USH2A: variants seen among roughly 807,000 people sequenced by gnomAD.
The protein encoded by USH2A is usherin, also known as Usher syndrome 2A (autosomal recessive, mild).
Under a neutral mutation model 538.9 loss-of-function variants are expected in USH2A, and 443 were observed. The observed-to-expected ratio is 0.82, with a 90% CI of 0.76 to 0.89. The LOEUF (loss-of-function observed/expected upper bound fraction) is 0.89, where lower values mean the gene tolerates loss of function less well. Ranked by LOEUF, USH2A falls within the 40% of genes least tolerant of loss-of-function variation. USH2A has a pLI of 0.00. For synonymous variants in USH2A, 2,413 were observed against 2,273.5 expected (o/e 1.06, Z -1.75); for missense variants, 6,633 against 6,324.8 (o/e 1.05, Z -1.65).
At position 215,965,373 on chromosome 1, in the gene USH2A, G is replaced by C. The variant is rs142628868; in HGVS notation, c.7064C>G (p.Pro2355Arg). The change falls in exon 37 of 72, where the codon CCT (proline) becomes CGT (arginine). Residue 2355 changes from proline (P) to arginine (R), a missense_variant. Coordinates refer to ENST00000307340, the MANE Select transcript of USH2A (RefSeq NM_206933.4). ...AHVRWEAPFR[P>R]NGLLTHSVLF... ...GACTGAGTGTGTTAAGAGTCCATTA[G>C]GGCGAAAAGGTGCTTCCCACCTCAC... 2 of 1,613,890 alleles carry C rather than the reference G, an allele frequency of 1.2e-6. No homozygotes were observed. The highest frequency in any genetic ancestry group is 4.5e-5 in the East Asian group (2 of 44,878).
intron 3 of USH2A, among the ~76,000 whole-genome samples, chr1:216,407,551 G>T (rs2039416139): frequency 6.6e-6 from 1 of 151,966 alleles, no homozygotes; most frequent in African/African-American, 2.4e-5. Context: ...AATGCCAAGG[G>T]AAACAGTAAG....
At chr1:216,332,566 C>A (rs193173735) in intron 4 of USH2A, among the ~76,000 whole-genome samples, 7 of 152,250 alleles carry the variant, frequency 4.6e-5, no homozygotes, top group Admixed American at 4.6e-4. Context: ...CTTTGAGGCT[C>A]TGCACAAGCA....
rs113496869 is a variant in USH2A, at chr1:215,684,348, C to T, written c.12067-3972G>A. ...TGACTTGAAGTGCCCCAAAGGTGGC[C>T]ATGGGGTCAATAGGTTTATGTAAGT... is the stretch of plus-strand genomic sequence containing the variant. On this transcript the variant is annotated intron_variant, in intron 61 of 71. Transcript: ENST00000307340. 1.0e-3 allele frequency among the ~76,000 whole-genome samples: 159 copies of T among 152,256 alleles called. 1 individual carries two copies. The highest frequency in any genetic ancestry group is 3.5e-3 in the African/African-American group (146 of 41,548).
rs79239248 is a variant in USH2A at position 215,649,036 on chromosome 1, T to C, written c.14344-270A>G. ...TCACAAGGCATAATATTATCGATTATCTATTACCTTAGAAAGGTATTAGAA... is the reference window on the plus strand; with the variant it reads ...TCACAAGGCATAATATTATCGATTACCTATTACCTTAGAAAGGTATTAGAA... On this transcript the variant is annotated intron_variant, in intron 65 of 71. Coordinates refer to ENST00000307340, the MANE Select transcript of USH2A (RefSeq NM_206933.4). 3.1e-3 allele frequency among the ~76,000 whole-genome samples: 473 copies of C among 152,332 alleles called. 3 individuals are homozygous for C. The highest frequency in any genetic ancestry group is 0.011 in the African/African-American group (458 of 41,574).
In USH2A at chr1:216,238,359, G is replaced by C. The variant is rs74141528; in HGVS notation, c.2810-6223C>G. Among the ~76,000 whole-genome samples, 1,028 of 152,150 alleles carry C rather than the reference G, an allele frequency of 6.8e-3. 15 individuals carry two copies. Among genetic ancestry groups the C allele is most frequent in the African/African-American group, 0.024 (978 of 41,480 alleles). On this transcript the variant is annotated intron_variant, in intron 13 of 71. Transcript: ENST00000307340. ...GTTGACATCCTTCCCTGCCTTCCTCGGCCTGGCCTCTGATTAAGTGCCTAC... is the reference window on the plus strand; with the variant it reads ...GTTGACATCCTTCCCTGCCTTCCTCCGCCTGGCCTCTGATTAAGTGCCTAC...
intron 21 of USH2A, among the ~76,000 whole-genome samples, chr1:216,160,821 T>C (rs2034043219): frequency 6.6e-6 from 1 of 152,156 alleles, no homozygotes. Flanking sequence ...GTACTTTTCC[T>C]GTCAAAATAT....
chr1:215,933,392 T>C (rs747458586), intron 38 of USH2A, among the ~76,000 whole-genome samples: 1 of 152,010 alleles, frequency 6.6e-6, no homozygotes. Context: ...TTTAAAATTA[T>C]TGTCTCAATA....
chr1:216,421,362 C>T (rs537837281), intron 2 of USH2A, among the ~76,000 whole-genome samples: 1 of 152,152 alleles, frequency 6.6e-6, no homozygotes, highest in Admixed American at 6.5e-5. Flanking sequence ...GAACATCTTC[C>T]ATGAGTCAAA....
intron 64 of USH2A, among the ~76,000 whole-genome samples, chr1:215,658,954 A>G: frequency 6.6e-6 from 1 of 152,230 alleles, no homozygotes; most frequent in East Asian, 1.9e-4. Context: ...AGGATAGTAA[A>G]TTAGGTAAGA....
chr1:215,855,550 T>C (rs990543815), intron 44 of USH2A, among the ~76,000 whole-genome samples: 1 of 152,128 alleles, frequency 6.6e-6, no homozygotes, highest in Non-Finnish European at 1.5e-5. Context: ...AGAATCAATA[T>C]TGTGAAAATG....
chr1:216,020,930 G>T (rs142857111), intron 32 of USH2A, among the ~76,000 whole-genome samples: 33 of 152,240 alleles, frequency 2.2e-4, no homozygotes, highest in African/African-American at 7.7e-4. Context: ...CTGAAGAGGG[G>T]GTTGTGGGAA....
In USH2A at chr1:215,779,954, A is replaced by G. The variant is rs764267390; in HGVS notation, c.10828T>C (p.Trp3610Arg). The change falls in exon 55 of 72, where the codon TGG becomes CGG. Residue 3610 changes from tryptophan to arginine, a missense_variant. Transcript: ENST00000307340. ...ALSAVALHLS[W>R]SVPEKSNGVI... is the part of the protein sequence containing the mutation. ...CCGTTTGATTTCTCAGGGACACTCC[A>G]GCTCAGATGCAGAGCCACTGCACTT... 1 of 1,614,138 alleles carries G rather than the reference A, an allele frequency of 6.2e-7. No homozygotes were observed. The highest frequency in any genetic ancestry group is 1.1e-5 in the South Asian group (1 of 91,086).
At chr1:216,174,414 G>A in intron 21 of USH2A, 1 of 985,090 alleles carries the variant, frequency 1.0e-6, no homozygotes, top group Non-Finnish European at 1.2e-6. Flanking sequence ...AAGTCACAGA[G>A]GTCATGGGAC....
At chr1:215,679,503 CAG>C (rs1274229426) in intron 62 of USH2A, among the ~76,000 whole-genome samples, 1 of 152,184 alleles carries the variant, frequency 6.6e-6, no homozygotes, top group Non-Finnish European at 1.5e-5. Flanking sequence ...GGAGGAACAT[CAG>C]AGAGGTAGAT....
rs935896136 is a variant in USH2A at position 215,624,569 on chromosome 1, T to C, written c.*1212A>G. 1.3e-5 allele frequency: 2 copies of C among 151,988 alleles called. No homozygotes were observed. Among genetic ancestry groups the C allele is most frequent in the Non-Finnish European group, 2.9e-5 (2 of 67,922 alleles). 9.4% of individuals were successfully genotyped at this position (151,988 alleles called of 1,614,324 possible). A position where few individuals can be genotyped will look rare whatever the true frequency, so the allele number is the denominator to read the frequency against. Reference sequence around the variant, plus strand: ...TTTCCATGAAGAACAAATTTAAATATCTGATTTTATGTGGATGATTTGCAA... The same window carrying C: ...TTTCCATGAAGAACAAATTTAAATACCTGATTTTATGTGGATGATTTGCAA... On this transcript the variant is annotated 3_prime_UTR_variant, in exon 72 of 72. Transcript: ENST00000307340.
chr1:216,361,961 C>T (rs1394985203), intron 4 of USH2A, among the ~76,000 whole-genome samples: 1 of 152,102 alleles, frequency 6.6e-6, no homozygotes, highest in Non-Finnish European at 1.5e-5. Context: ...TACATTGATG[C>T]TATTCTGTTT....
intron 44 of USH2A, among the ~76,000 whole-genome samples, chr1:215,849,028 G>A (rs1297654595): frequency 1.3e-5 from 2 of 152,150 alleles, no homozygotes; most frequent in Non-Finnish European, 2.9e-5. Context: ...CTATTAACAT[G>A]GAAACAGCTG....
At chr1:215,779,260 T>C (rs1661549870) in intron 55 of USH2A, among the ~76,000 whole-genome samples, 1 of 152,326 alleles carries the variant, frequency 6.6e-6, no homozygotes, top group Non-Finnish European at 1.5e-5. Flanking sequence ...TTAATTATTA[T>C]CATAATCACT....
At chr1:216,274,354 G>A (rs2036629129) in intron 11 of USH2A, among the ~76,000 whole-genome samples, 1 of 152,058 alleles carries the variant, frequency 6.6e-6, no homozygotes, top group Non-Finnish European at 1.5e-5. Flanking sequence ...CTAATCATTT[G>A]CAACACTGCC....
Sources: gnomAD v4.1 joint callset for allele counts (sites outside exome capture counted in the v4.1 genomes callset) on GRCh38, gnomAD v4.1.1 for gene constraint, MANE v1.5 for transcripts, NCBI Gene and HGNC (gene_info 2026-07-23, HGNC 2026-07-21) for gene names.